DDAH1: variants seen among roughly 807,000 people sequenced by gnomAD.
DDAH1 encodes the protein N(G),N(G)-dimethylarginine dimethylaminohydrolase 1.
DDAH1 carries 19 observed loss-of-function variants against 28.8 expected under a neutral mutation model. The observed-to-expected ratio is 0.66, with a 90% confidence interval of 0.46 to 0.97. The LOEUF (loss-of-function observed/expected upper bound fraction) is 0.97. DDAH1 is among the 50% of genes least tolerant of loss of function. The probability of loss-of-function intolerance (pLI) is 0.00; values close to 1 mark genes in which losing one functional copy is unlikely to be tolerated. For synonymous variants in DDAH1, 153 were observed against 154.4 expected, an observed-to-expected ratio of 0.99 and a Z score of 0.07; for missense variants, 326 against 375.9, an observed-to-expected ratio of 0.87 and a Z score of 1.10.
intron 1 of DDAH1, chr1:85,448,144 T>C (rs1654516441): frequency 6.6e-6 from 1 of 152,412 alleles, no homozygotes; most frequent in African/African-American, 2.4e-5. Flanking sequence ...TTTTTTGTGA[T>C]TTTTTTAAGC....
chr1:85,325,366 C>T (rs200938838), intron 4 of DDAH1, among the ~76,000 whole-genome samples: 2,607 of 152,062 alleles, frequency 0.017, 64 homozygotes, highest in East Asian at 0.12. Flanking sequence ...CGCGCGCGCG[C>T]GCACACACAC....
chr1:85,566,482 A>C, intron 1 of DDAH1, among the ~76,000 whole-genome samples: 1 of 142,526 alleles, frequency 7.0e-6, no homozygotes, highest in African/African-American at 2.7e-5. Flanking sequence ...ACAGAGCGAG[A>C]CCCCATCTCA....
intron 1 of DDAH1, among the ~76,000 whole-genome samples, chr1:85,572,839 G>A (rs968836394): frequency 2.0e-5 from 3 of 152,236 alleles, no homozygotes; most frequent in African/African-American, 7.2e-5. Flanking sequence ...AGTGCCATGA[G>A]AGGTAAGCCC....
intron 4 of DDAH1, among the ~76,000 whole-genome samples, 154 bp downstream of exon 4, chr1:85,350,261 T>C (rs1413463519): frequency 6.6e-6 from 1 of 152,128 alleles, no homozygotes; most frequent in Non-Finnish European, 1.5e-5. Flanking sequence ...TTCTAATGAA[T>C]GTGAGGTCAC....
intron 2 of DDAH1, among the ~76,000 whole-genome samples, chr1:85,477,055 G>A (rs910777388): frequency 6.6e-6 from 1 of 152,108 alleles, no homozygotes; most frequent in Admixed American, 6.5e-5. Context: ...ATGTCTGGGG[G>A]AATAAAGGAA....
At chr1:85,570,103 T>C (rs1034426203) in intron 1 of DDAH1, among the ~76,000 whole-genome samples, 1 of 151,974 alleles carries the variant, frequency 6.6e-6, no homozygotes, top group African/African-American at 2.4e-5. Context: ...CAATAATTCT[T>C]GAGATATTAT....
intron 1 of DDAH1, chr1:85,398,974 A>G (rs1429796254): frequency 6.6e-6 from 1 of 152,182 alleles, no homozygotes; most frequent in Admixed American, 6.5e-5. Flanking sequence ...TCTTTTATAG[A>G]GTTAGTACTG....
rs1422458442 is a variant in DDAH1 at position 85,496,492 on chromosome 1, C to T, written c.-122-211G>A. Among the ~76,000 whole-genome samples the T allele has an allele frequency of 2.0e-5, 3 of 152,262 alleles. No individual in the cohort carries two copies. The East Asian group carries it at 5.8e-4, about 29-fold the overall frequency. On this transcript the variant is annotated intron_variant, in intron 1 of 6. Transcript: ENST00000426972. ...ATATTTGTGTTCTTACTTGTTTACC[C>T]CTCAAGACCTACAGAATGGCAAATG...
chr1:85,521,737 G>T (rs1357172909), intron 1 of DDAH1: 1 of 722,024 alleles, frequency 1.4e-6, no homozygotes, highest in Non-Finnish European at 1.7e-6. Context: ...AATCCGCAGT[G>T]CCCACTCCTA....
At chr1:85,355,690 C>T (rs1419865233) in intron 2 of DDAH1, among the ~76,000 whole-genome samples, 1 of 152,114 alleles carries the variant, frequency 6.6e-6, no homozygotes, top group African/African-American at 2.4e-5. Flanking sequence ...CCAGGAGACA[C>T]ACACAAGAAT....
chr1:85,417,248 C>T (rs1001071865), intron 1 of DDAH1, among the ~76,000 whole-genome samples: 2 of 152,102 alleles, frequency 1.3e-5, no homozygotes, highest in African/African-American at 4.8e-5. Context: ...CAGGAGTTGG[C>T]GCTGGTGAAG....
chr1:85,521,433 C>A (rs536953928), intron 1 of DDAH1, among the ~76,000 whole-genome samples: 1 of 151,562 alleles, frequency 6.6e-6, no homozygotes, highest in Non-Finnish European at 1.5e-5. Context: ...CTGTCTCCAC[C>A]ATACAGCCGC....
rs531754809 is a variant in DDAH1, at chr1:85,465,150, C to A, written c.-105G>T. 2.6e-5 allele frequency: 30 copies of A among 1,158,526 alleles called. No homozygotes were observed. In the East Asian group the frequency reaches 1.0e-3, roughly 40 times the overall value. The allele number at this position is 1,158,526 out of a possible 1,614,324, so 71.8% of individuals were successfully genotyped here. A position where few individuals can be genotyped will look rare whatever the true frequency, so the allele number is the denominator to read the frequency against. ...GCGCCCGTCGGCTCCTCTTGGCAGCCGCTGAATGTGGTGCAGAAGGAGCCC... is the reference window on the plus strand; with the variant it reads ...GCGCCCGTCGGCTCCTCTTGGCAGCAGCTGAATGTGGTGCAGAAGGAGCCC... On this transcript the variant is annotated 5_prime_UTR_variant, in exon 1 of 6. Transcript: ENST00000284031.
chr1:85,344,295 C>G (rs1467593241), intron 4 of DDAH1, among the ~76,000 whole-genome samples: 1 of 152,122 alleles, frequency 6.6e-6, no homozygotes, highest in Non-Finnish European at 1.5e-5. Context: ...AAAACTATAG[C>G]TGTATCCCAT....
chr1:85,433,294 G>A (rs944666594), intron 1 of DDAH1, among the ~76,000 whole-genome samples: 8 of 152,146 alleles, frequency 5.3e-5, no homozygotes, highest in Admixed American at 5.2e-4. Context: ...CAGCAGAGGA[G>A]CAGCAGGGGT....
chr1:85,518,248 A>T (rs1429192251), intron 1 of DDAH1, among the ~76,000 whole-genome samples: 3 of 152,190 alleles, frequency 2.0e-5, no homozygotes, highest in Non-Finnish European at 4.4e-5. Context: ...CTGCCTTAAC[A>T]AATCACCACA....
chr1:85,514,959 G>A (rs1194939435), intron 1 of DDAH1, among the ~76,000 whole-genome samples: 1 of 151,700 alleles, frequency 6.6e-6, no homozygotes, highest in African/African-American at 2.4e-5. Context: ...TCTAGGTATT[G>A]CTCATTGCTA....
At chr1:85,549,925 C>A (rs541669134) in intron 1 of DDAH1, among the ~76,000 whole-genome samples, 2 of 152,004 alleles carry the variant, frequency 1.3e-5, no homozygotes, top group Non-Finnish European at 2.9e-5. Flanking sequence ...TTCACTGGAA[C>A]CCAGAGCTCT....
In DDAH1 at chr1:85,321,496, G is replaced by A. The variant is rs757798201; in HGVS notation, c.814C>T (p.Leu272Phe). The change falls in exon 6 of 6, where the codon CTC becomes TTC. Residue 272 changes from leucine to phenylalanine, a missense_variant. Leu to Phe is a conservative substitution (Grantham distance 22). Coordinates refer to ENST00000284031, the MANE Select transcript of DDAH1 (RefSeq NM_012137.4). ...MSELEKVDGL[L>F]TCCSVLINKK... ...TTAATTAAAACTGAGCAGCAGGTGAGCAGCCCATCCACCTTTTCCAGTTCA... is the reference window on the plus strand; with the variant it reads ...TTAATTAAAACTGAGCAGCAGGTGAACAGCCCATCCACCTTTTCCAGTTCA... 1.5e-5 allele frequency: 25 copies of A among 1,614,152 alleles called. 1 individual carries two copies. The South Asian group carries it at 2.6e-4, about 17-fold the overall frequency.
Sources: allele counts gnomAD v4.1 joint callset (sites outside exome capture counted in the v4.1 genomes callset), GRCh38; gene constraint gnomAD v4.1.1; transcripts MANE v1.5; gene names NCBI Gene and HGNC (gene_info 2026-07-23, HGNC 2026-07-21).